The following SHQ1 variants were observed in gnomAD, a reference collection of about 807,000 sequenced individuals.
SHQ1 encodes protein SHQ1 homolog.
Under a neutral mutation model 53.8 loss-of-function variants are expected in SHQ1, and 49 were observed. That is an observed-to-expected ratio of 0.91 (90% CI 0.72 to 1.16). SHQ1 has a LOEUF of 1.16. Ranked by LOEUF, SHQ1 falls within the 50% of genes most tolerant of loss-of-function variation. The pLI, the probability that SHQ1 is intolerant of heterozygous loss-of-function variation, is 0.00. For synonymous variants in SHQ1, 243 were observed against 251.0 expected (o/e 0.97, Z 0.30); for missense variants, 738 against 683.1 (o/e 1.08, Z -0.90).
intron 6 of SHQ1, among the ~76,000 whole-genome samples, chr3:72,822,923 G>A: frequency 6.6e-6 from 1 of 152,168 alleles, no homozygotes. Flanking sequence ...GCCGAGGCTG[G>A]CGGATCACAA....
At chr3:72,742,614 TTTTTC>T in the SHQ1 span, among the ~76,000 whole-genome samples, 2 of 134,310 alleles carry the variant, frequency 1.5e-5, no homozygotes, top group African/African-American at 3.1e-5. Flanking sequence ...TTTTTTTCTT[TTTTTC>T]TTTTTTTTTT....
chr3:72,799,656 G>C (rs1202558248), intron 9 of SHQ1, among the ~76,000 whole-genome samples: 2 of 152,068 alleles, frequency 1.3e-5, no homozygotes, highest in African/African-American at 4.8e-5. Context: ...CTTATATTAA[G>C]AAACACACCC....
At chr3:72,753,223 A>C in intron 10 of SHQ1, 1 of 985,414 alleles carries the variant, frequency 1.0e-6, no homozygotes. Context: ...CCAAAGATTA[A>C]ATGAACATAC....
intron 1 of SHQ1, chr3:72,846,309 T>A: frequency 6.5e-7 from 1 of 1,528,928 alleles, no homozygotes; most frequent in Non-Finnish European, 8.7e-7. Flanking sequence ...TTTTTTTTTT[T>A]TTTTTTAGAC....
chr3:72,753,151 A>G, intron 10 of SHQ1: 1 of 984,302 alleles, frequency 1.0e-6, no homozygotes, highest in East Asian at 1.1e-4. Context: ...TGACAACTGA[A>G]GAAAGGTGAC....
the SHQ1 span, among the ~76,000 whole-genome samples, chr3:72,725,436 C>T: frequency 2.6e-5 from 4 of 152,108 alleles, no homozygotes; most frequent in African/African-American, 9.7e-5. Context: ...AAGTTCTCAT[C>T]CTGGGGCCTC....
intron 6 of SHQ1, among the ~76,000 whole-genome samples, chr3:72,817,976 T>C (rs1378543314): frequency 3.9e-5 from 6 of 152,048 alleles, no homozygotes. Context: ...AGTTCCTTTT[T>C]GCTTTTCTTC....
At chr3:72,838,951 TAAAA>T (rs553872568) in intron 4 of SHQ1, among the ~76,000 whole-genome samples, 4 of 136,518 alleles carry the variant, frequency 2.9e-5, no homozygotes, top group Non-Finnish European at 4.8e-5. Context: ...TATAGCAGCT[TAAAA>T]AAAAAAAAAA....
chr3:72,828,459 C>T (rs1024344414), intron 5 of SHQ1, among the ~76,000 whole-genome samples: 1 of 152,146 alleles, frequency 6.6e-6, no homozygotes, highest in African/African-American at 2.4e-5. Context: ...CTTTGGGAGG[C>T]CAAGGCAGGT....
In SHQ1 at chr3:72,764,817, A is replaced by G. The variant is rs181547500; in HGVS notation, c.1182-13981T>C. On this transcript the variant is annotated intron_variant, in intron 10 of 10. Transcript: ENST00000325599. ...GAGTTCTGACTATGTTGAAGTCATC[A>G]TTACCAGCTGACACTTTTCATTCAC... Among the ~76,000 whole-genome samples, 19 of 152,318 alleles carry G rather than the reference A, an allele frequency of 1.2e-4. No individual in the cohort carries two copies. In the East Asian group the frequency reaches 3.7e-3, roughly 29 times the overall value.
At chr3:72,841,615 T>C (rs1339531411) in intron 3 of SHQ1, among the ~76,000 whole-genome samples, 1 of 152,194 alleles carries the variant, frequency 6.6e-6, no homozygotes, top group Non-Finnish European at 1.5e-5. Context: ...TTGGAAATGC[T>C]CCATTTCTTG....
At chr3:72,763,062 C>CACACACACAG (rs1315245242) in intron 10 of SHQ1, among the ~76,000 whole-genome samples, 1 of 76,200 alleles carries the variant, frequency 1.3e-5, no homozygotes, top group Non-Finnish European at 3.4e-5. Flanking sequence ...CACACACACA[C>CACACACACAG]AGAGAGAGAG....
chr3:72,808,982 G>A (rs1249682277), intron 9 of SHQ1, among the ~76,000 whole-genome samples: 2 of 152,166 alleles, frequency 1.3e-5, no homozygotes, highest in African/African-American at 2.4e-5. Flanking sequence ...AAGGTGGTGT[G>A]GGTGCAGGAA....
chr3:72,788,458 T>C (rs1706319444), intron 10 of SHQ1, among the ~76,000 whole-genome samples: 1 of 151,326 alleles, frequency 6.6e-6, no homozygotes, highest in Non-Finnish European at 1.5e-5. Context: ...GTCAGGGAAG[T>C]GAGGAGCGTC....
chr3:72,827,096 T>G (rs1707683140), intron 5 of SHQ1, among the ~76,000 whole-genome samples: 1 of 152,120 alleles, frequency 6.6e-6, no homozygotes, highest in African/African-American at 2.4e-5. Context: ...TTGTAGGGAA[T>G]GAAGAGCTCG....
At chr3:72,734,146 C>A in the SHQ1 span, among the ~76,000 whole-genome samples, 1 of 151,286 alleles carries the variant, frequency 6.6e-6, no homozygotes, top group Non-Finnish European at 1.5e-5. Flanking sequence ...GGTGACACAG[C>A]GAGACTCTGT....
chr3:72,805,804 G>C (rs1017306242), intron 9 of SHQ1, among the ~76,000 whole-genome samples: 25 of 152,072 alleles, frequency 1.6e-4, no homozygotes, highest in African/African-American at 5.8e-4. Context: ...ATAACCACAA[G>C]CTATTCATCA....
At chr3:72,834,166 G>A (rs1045788908) in intron 4 of SHQ1, among the ~76,000 whole-genome samples, 19 of 152,144 alleles carry the variant, frequency 1.2e-4, no homozygotes, top group African/African-American at 4.6e-4. Context: ...TTTAGCTTAA[G>A]TAGTATCAAT....
At chr3:72,761,307 G>T (rs1327278667) in intron 10 of SHQ1, among the ~76,000 whole-genome samples, 4 of 151,956 alleles carry the variant, frequency 2.6e-5, no homozygotes, top group African/African-American at 9.7e-5. Context: ...AAGTAGCCAG[G>T]ATTAGAAGCA....
Sources: allele counts gnomAD v4.1 joint callset (sites outside exome capture counted in the v4.1 genomes callset), GRCh38; gene constraint gnomAD v4.1.1; transcripts MANE v1.5; gene names NCBI Gene and HGNC (gene_info 2026-07-23, HGNC 2026-07-21).